SQSTM1: variants seen among roughly 807,000 people sequenced by gnomAD.
The protein encoded by SQSTM1 is sequestosome 1.
In SQSTM1, 36 loss-of-function variants were observed where a neutral mutation model predicts 45.1. The ratio of observed to expected loss-of-function variants is 0.80; its 90% CI spans 0.61 to 1.05. The LOEUF (loss-of-function observed/expected upper bound fraction) is 1.05, where lower values mean the gene tolerates loss of function less well. Ranked by LOEUF, SQSTM1 falls within the 50% of genes least tolerant of loss-of-function variation. The probability of loss-of-function intolerance (pLI) is 0.00; values close to 1 mark genes in which losing one functional copy is unlikely to be tolerated. For synonymous variants in SQSTM1, 290 were observed against 244.3 expected, an observed-to-expected ratio of 1.19 and a Z score of -1.74; for missense variants, 617 against 607.1, an observed-to-expected ratio of 1.02 and a Z score of -0.17.
chr5:179,834,482 AG>A (rs1288014050), intron 7 of SQSTM1, among the ~76,000 whole-genome samples: 1 of 151,832 alleles, frequency 6.6e-6, no homozygotes, highest in Non-Finnish European at 1.5e-5. Flanking sequence ...GCAGGGTCAT[AG>A]GACAATAGTG....
chr5:179,809,411 A>G (rs987979752), intron 1 of SQSTM1, among the ~76,000 whole-genome samples: 9 of 123,192 alleles, frequency 7.3e-5, no homozygotes, highest in African/African-American at 2.5e-4. Context: ...ATCTCGGCTT[A>G]CTGCAACTTC....
upstream of SQSTM1, among the ~76,000 whole-genome samples, chr5:179,814,405 C>A (rs1405075043): frequency 3.3e-5 from 5 of 152,170 alleles, no homozygotes; most frequent in Non-Finnish European, 1.5e-5. Context: ...CTGCTTCCGT[C>A]GGTTAACAGC....
chr5:179,828,316 A>G (rs1758078740), intron 5 of SQSTM1, among the ~76,000 whole-genome samples: 1 of 143,620 alleles, frequency 7.0e-6, no homozygotes, highest in African/African-American at 2.6e-5. Flanking sequence ...TGATTGTACT[A>G]TTCTTTCAAC....
At chr5:179,827,290 T>C (rs933685140) in intron 5 of SQSTM1, among the ~76,000 whole-genome samples, 3 of 152,170 alleles carry the variant, frequency 2.0e-5, no homozygotes, top group Non-Finnish European at 4.4e-5. Context: ...AGGAATAATC[T>C]TGCAGATGCT....
chr5:179,821,633 G>T (rs1036215813), intron 1 of SQSTM1: 2 of 421,558 alleles, frequency 4.7e-6, no homozygotes, highest in Non-Finnish European at 9.5e-6. Flanking sequence ...AAGCGCGGGG[G>T]TGCGGGGGAC....
chr5:179,808,896 C>A (rs925083894), intron 1 of SQSTM1, among the ~76,000 whole-genome samples: 8 of 144,660 alleles, frequency 5.5e-5, no homozygotes, highest in African/African-American at 2.0e-4. Context: ...CTTGCTCTGT[C>A]GCCCAGGCTG....
intron 5 of SQSTM1, among the ~76,000 whole-genome samples, chr5:179,829,461 C>T (rs1758125494): frequency 6.6e-6 from 1 of 152,180 alleles, no homozygotes; most frequent in African/African-American, 2.4e-5. Context: ...AAAGCCCCCA[C>T]ACATGGGAGA....
intron 6 of SQSTM1, 36 bp from the exon 7 acceptor site, chr5:179,833,551 G>GT (rs1561605924): frequency 3.7e-6 from 6 of 1,611,316 alleles, no homozygotes; most frequent in Non-Finnish European, 5.1e-6. Context: ...CCTGTTGCGC[G>GT]TGTCTCCTGT....
rs1758690108 is a variant in SQSTM1, at chr5:179,838,033, G to C, written c.*1440G>C. ...AGGCTGGGACAGGCTTTGATTTTGAGGGTTAGCAAGACAAAGCAAATAAAT... is the reference window on the plus strand; with the variant it reads ...AGGCTGGGACAGGCTTTGATTTTGACGGTTAGCAAGACAAAGCAAATAAAT... On this transcript the variant is annotated 3_prime_UTR_variant, in exon 8 of 8. Coordinates refer to ENST00000389805, the MANE Select transcript of SQSTM1 (RefSeq NM_003900.5). 2 of 714,974 alleles carry C rather than the reference G, an allele frequency of 2.8e-6. No homozygotes were observed. The highest frequency in any genetic ancestry group is 4.5e-6 in the Non-Finnish European group (2 of 441,034). 44.3% of individuals were successfully genotyped at this position (714,974 alleles called of 1,614,324 possible).
upstream of SQSTM1, among the ~76,000 whole-genome samples, chr5:179,814,332 T>C (rs577113276): frequency 1.3e-5 from 2 of 152,202 alleles, no homozygotes; most frequent in African/African-American, 2.4e-5. Context: ...AGGACAGTCT[T>C]TGGAGAATGT....
At chr5:179,808,469 G>A (rs1221210435) in intron 1 of SQSTM1, 1 of 152,212 alleles carries the variant, frequency 6.6e-6, no homozygotes. Context: ...TTTTCACTTA[G>A]GTTGTGACAT....
chr5:179,831,781 T>C (rs985479603), intron 5 of SQSTM1, among the ~76,000 whole-genome samples: 16 of 133,132 alleles, frequency 1.2e-4, no homozygotes, highest in East Asian at 5.0e-4. Flanking sequence ...AGCTGAAACA[T>C]TGAATGTTCT....
At position 179,837,716 on chromosome 5, in the gene SQSTM1, G is replaced by A. The variant is rs770512697; in HGVS notation, c.*1123G>A. ...ACTGTCCACATGTGAACTTTTTCTAGGTGGCAGGACAAATTGCGCCCATTT... is the reference window on the plus strand; with the variant it reads ...ACTGTCCACATGTGAACTTTTTCTAAGTGGCAGGACAAATTGCGCCCATTT... On this transcript the variant is annotated 3_prime_UTR_variant, in exon 8 of 8. Coordinates refer to ENST00000389805, the MANE Select transcript of SQSTM1 (RefSeq NM_003900.5). 28 of 1,614,258 alleles carry A rather than the reference G, an allele frequency of 1.7e-5. No individual in the cohort carries two copies. In the East Asian group the frequency reaches 5.1e-4, roughly 30 times the overall value.
chr5:179,832,589 C>T (rs1360675930), intron 5 of SQSTM1, among the ~76,000 whole-genome samples: 2 of 152,234 alleles, frequency 1.3e-5, no homozygotes, highest in Non-Finnish European at 2.9e-5. Context: ...GTACTTAGGG[C>T]CTGGCCCCAC....
Position 179,810,413 on chromosome 5 carries a change from G to T in SQSTM1, c.-156-1161G>T, listed in dbSNP as rs574492834. 8.5e-5 allele frequency among the ~76,000 whole-genome samples: 13 copies of T among 152,244 alleles called. No individual in the cohort carries two copies. In the South Asian group the frequency reaches 2.7e-3, roughly 32 times the overall value. ...GATAGTTTGCTCAGAATGGTTTCCAGCTTCATCCGTGTCCCTACAAAGGAC... is the reference window on the plus strand; with the variant it reads ...GATAGTTTGCTCAGAATGGTTTCCATCTTCATCCGTGTCCCTACAAAGGAC... On this transcript the variant is annotated intron_variant, in intron 1 of 5. Coordinates refer to the SQSTM1 transcript ENST00000514093.
At chr5:179,821,418 T>C (rs2113480992) in intron 1 of SQSTM1, 1 of 616,350 alleles carries the variant, frequency 1.6e-6, no homozygotes, top group Non-Finnish European at 3.0e-6. Context: ...CCTGGGGGCG[T>C]CAGACGCCCC....
At chr5:179,807,292 GT>G (rs1287387233) in intron 1 of SQSTM1, 2 of 152,274 alleles carry the variant, frequency 1.3e-5, no homozygotes, top group African/African-American at 4.8e-5. Context: ...GGGGCTCTGG[GT>G]GGCGCGGGGG....
rs764205744 is a variant in SQSTM1, at chr5:179,833,127, T to C, written c.850T>C (p.Ser284Pro). ...ESSSTEEKSSSQPSSCCSDPS... is the reference protein window; with the variant it reads ...ESSSTEEKSSPQPSSCCSDPS... ...TTCCAGCACAGAGGAGAAGAGCAGCTCACAGCCAAGCAGCTGCTGCTCTGA... is the reference window on the plus strand; with the variant it reads ...TTCCAGCACAGAGGAGAAGAGCAGCCCACAGCCAAGCAGCTGCTGCTCTGA... The change falls in exon 6 of 8, where the codon TCA becomes CCA. Residue 284 changes from serine (S) to proline (P), a missense_variant. Coordinates refer to ENST00000389805, the MANE Select transcript of SQSTM1 (RefSeq NM_003900.5). 1 of 1,614,164 alleles carries C rather than the reference T, an allele frequency of 6.2e-7. No individual in the cohort carries two copies. The highest frequency in any genetic ancestry group is 8.5e-7 in the Non-Finnish European group (1 of 1,180,024).
At position 179,837,243 on chromosome 5, in the gene SQSTM1, CACTTTA is replaced by C; in HGVS notation, c.*653_*658del. Reference sequence around the variant, plus strand: ...AAACAATCTAATTAAATGGCATCAGCACTTTAACCAATGACGTTTGCATAGAGAGAA... The same window carrying C: ...AAACAATCTAATTAAATGGCATCAGCACCAATGACGTTTGCATAGAGAGAA... On this transcript the variant is annotated 3_prime_UTR_variant, in exon 8 of 8. Transcript: ENST00000389805. The C allele has an allele frequency of 1.9e-6, 3 of 1,601,466 alleles. No homozygotes were observed. Among genetic ancestry groups the C allele is most frequent in the Non-Finnish European group, 2.5e-6 (3 of 1,178,804 alleles).
Sources: gnomAD v4.1 joint callset for allele counts (sites outside exome capture counted in the v4.1 genomes callset) on GRCh38, gnomAD v4.1.1 for gene constraint, MANE v1.5 for transcripts, NCBI Gene and HGNC (gene_info 2026-07-23, HGNC 2026-07-21) for gene names.